Variants in TMOD1 observed in about 807,000 individuals in gnomAD.
The protein encoded by TMOD1 is tropomodulin 1.
In TMOD1, 17 loss-of-function variants were observed where a neutral mutation model predicts 40.6. That is an observed-to-expected ratio of 0.42 (90% confidence interval 0.29 to 0.63). The LOEUF (loss-of-function observed/expected upper bound fraction) is 0.63, where lower values mean the gene tolerates loss of function less well. TMOD1 is among the 20% of genes least tolerant of loss of function. TMOD1 has a pLI of 0.22. For synonymous variants in TMOD1, 181 were observed against 175.0 expected, an observed-to-expected ratio of 1.03 and a Z score of -0.27; for missense variants, 391 against 447.6, an observed-to-expected ratio of 0.87 and a Z score of 1.14.
chr9:97,579,891 G>A (rs1183737639), intron 8 of TMOD1, among the ~76,000 whole-genome samples: 1 of 152,170 alleles, frequency 6.6e-6, no homozygotes, highest in African/African-American at 2.4e-5. Flanking sequence ...AATTTGCAGT[G>A]CATATTAAGG....
chr9:97,591,945 G>A (rs536099831), intron 9 of TMOD1, among the ~76,000 whole-genome samples: 51 of 152,048 alleles, frequency 3.4e-4, no homozygotes, highest in Middle Eastern at 3.4e-3. Flanking sequence ...GTATATTAAT[G>A]TAATCTCAAT....
chr9:97,540,068 A>G (rs1830254684), intron 2 of TMOD1, among the ~76,000 whole-genome samples: 1 of 152,182 alleles, frequency 6.6e-6, no homozygotes, highest in African/African-American at 2.4e-5. Flanking sequence ...AGAGTCGTAT[A>G]ACCATCATGA....
rs997071566 is a variant in TMOD1, at chr9:97,557,325, G to A, written c.397+3925G>A. 4.6e-5 allele frequency among the ~76,000 whole-genome samples: 7 copies of A among 152,108 alleles called. No homozygotes were observed. The highest frequency in any genetic ancestry group is 9.7e-5 in the African/African-American group (4 of 41,412). ...GGGAGTCAGCAAGCACTTGTAATTC[G>A]CAGTGCCTCCCCTGCCCACTCAGGG... On this transcript the variant is annotated intron_variant, in intron 4 of 9. Coordinates refer to ENST00000259365, the MANE Select transcript of TMOD1 (RefSeq NM_003275.4). This position sits in a 1 kb window ranked among gnomAD's most constrained non-coding sequence, Gnocchi z 4.4.
At chr9:97,596,622 C>T (rs1176557935) in intron 9 of TMOD1, among the ~76,000 whole-genome samples, 1 of 152,218 alleles carries the variant, frequency 6.6e-6, no homozygotes, top group African/African-American at 2.4e-5. Context: ...GCTCCAGTGC[C>T]TGGGTGCTCC....
chr9:97,568,856 T>C (rs1272652335), intron 7 of TMOD1, 38 bp from the exon 8 acceptor site: 3 of 1,608,056 alleles, frequency 1.9e-6, no homozygotes, highest in Non-Finnish European at 2.6e-6. Context: ...TTGCTCGGGG[T>C]GACTCATGGG....
At chr9:97,532,348 C>T (rs1331264067) in intron 2 of TMOD1, among the ~76,000 whole-genome samples, 2 of 152,120 alleles carry the variant, frequency 1.3e-5, no homozygotes, top group East Asian at 1.9e-4. Flanking sequence ...GCTGGGGAAC[C>T]TCCTCGACCT....
chr9:97,503,655 A>G (rs539830386), intron 1 of TMOD1, among the ~76,000 whole-genome samples: 1 of 152,254 alleles, frequency 6.6e-6, no homozygotes, highest in East Asian at 1.9e-4. Context: ...GCCCCACCTT[A>G]TCAGGGTCTC....
chr9:97,595,534 T>G (rs1240833142), intron 9 of TMOD1, among the ~76,000 whole-genome samples: 1 of 73,526 alleles, frequency 1.4e-5, no homozygotes, highest in Non-Finnish European at 2.4e-5. Context: ...ACAAATTTCC[T>G]TTTTTTTTTT....
chr9:97,540,007 A>G (rs560367881), intron 2 of TMOD1, among the ~76,000 whole-genome samples: 1 of 152,086 alleles, frequency 6.6e-6, no homozygotes, highest in South Asian at 2.1e-4. Flanking sequence ...AAAAAAAGAA[A>G]AAGAAAACAA....
intron 8 of TMOD1, among the ~76,000 whole-genome samples, chr9:97,588,363 C>T (rs925400445): frequency 5.3e-5 from 8 of 152,096 alleles, no homozygotes; most frequent in Non-Finnish European, 1.2e-4. Flanking sequence ...AGCACTTTTT[C>T]ATATATTTAT....
chr9:97,564,148 G>A lies in TMOD1; in HGVS notation c.598G>A (p.Val200Ile). 1.9e-6 allele frequency: 3 copies of A among 1,608,712 alleles called. No homozygotes were observed. Among genetic ancestry groups the A allele is most frequent in the Non-Finnish European group, 2.5e-6 (3 of 1,177,118 alleles). The change falls in exon 6 of 10, where the codon GTT becomes ATT. Residue 200 changes from valine to isoleucine, a missense_variant. By Grantham distance (29) the Val-to-Ile change is conservative. Transcript: ENST00000259365. ...GAACAACGACCCAAAACTTGAAGAA[G>A]TTAACCTCAATAATATCCGGGTAAG... ...IKNNDPKLEE[V>I]NLNNIRNIPI...
intron 8 of TMOD1, among the ~76,000 whole-genome samples, chr9:97,570,544 C>T (rs1830802362): frequency 6.6e-6 from 1 of 151,612 alleles, no homozygotes; most frequent in African/African-American, 2.4e-5. Context: ...TCTTTGAGAG[C>T]CAGGTTACTA....
intron 7 of TMOD1, among the ~76,000 whole-genome samples, chr9:97,568,216 G>A (rs1371614063): frequency 2.0e-5 from 3 of 152,204 alleles, no homozygotes; most frequent in Non-Finnish European, 2.9e-5. Context: ...AGGAGGTTGA[G>A]GCTCCACTGG....
chr9:97,566,469 G>A (rs777272309), intron 7 of TMOD1, among the ~76,000 whole-genome samples: 158 of 152,156 alleles, frequency 1.0e-3, no homozygotes, highest in Non-Finnish European at 1.9e-3. Context: ...TCAGAAGTTC[G>A]AGACCAGCCT....
At chr9:97,527,210 T>C (rs1466101492) in intron 2 of TMOD1, among the ~76,000 whole-genome samples, 1 of 152,238 alleles carries the variant, frequency 6.6e-6, no homozygotes, top group Non-Finnish European at 1.5e-5. Context: ...CCTAGATCAC[T>C]GTCACACAGA....
intron 7 of TMOD1, among the ~76,000 whole-genome samples, chr9:97,568,289 G>C (rs567885103): frequency 5.8e-4 from 89 of 152,322 alleles, no homozygotes; most frequent in African/African-American, 2.0e-3. Context: ...ACATGGGATA[G>C]ATAGGATGCA....
At chr9:97,518,600 T>C (rs921056829) in intron 1 of TMOD1, among the ~76,000 whole-genome samples, 2 of 152,224 alleles carry the variant, frequency 1.3e-5, no homozygotes, top group African/African-American at 2.4e-5. Context: ...TTCCAATCAA[T>C]TGGCTACCCT....
chr9:97,584,893 T>G (rs959736933), intron 8 of TMOD1, among the ~76,000 whole-genome samples: 1 of 152,210 alleles, frequency 6.6e-6, no homozygotes, highest in Non-Finnish European at 1.5e-5. Flanking sequence ...TGAGCCTATG[T>G]GTGTCTCTGC....
At chr9:97,521,222 A>G (rs1829909973) in intron 1 of TMOD1, among the ~76,000 whole-genome samples, 1 of 152,158 alleles carries the variant, frequency 6.6e-6, no homozygotes, top group Non-Finnish European at 1.5e-5. Context: ...ACGTGCTTTT[A>G]TGATAAAAAA....
Sources: allele counts gnomAD v4.1 joint callset (sites outside exome capture counted in the v4.1 genomes callset), GRCh38; gene constraint gnomAD v4.1.1; non-coding constraint Gnocchi (gnomAD v3.1); transcripts MANE v1.5; gene names NCBI Gene and HGNC (gene_info 2026-07-23, HGNC 2026-07-21).